The following LDB2 variants were observed in gnomAD, a reference collection of about 807,000 sequenced individuals.
LDB2 encodes LIM domain-binding protein 2.
Under a neutral mutation model 44.3 loss-of-function variants are expected in LDB2, and 12 were observed. The ratio of observed to expected loss-of-function variants is 0.27; its 90% CI spans 0.17 to 0.44. LDB2 has a LOEUF of 0.44. LDB2 is among the 20% of genes least tolerant of loss of function. The pLI is 1.00. For synonymous variants in LDB2, 164 were observed against 174.8 expected (o/e 0.94, Z 0.49); for missense variants, 344 against 473.5 (o/e 0.73, Z 2.54).
At chr4:16,583,283 T>G (rs557550106) in intron 5 of LDB2, among the ~76,000 whole-genome samples, 1 of 152,326 alleles carries the variant, frequency 6.6e-6, no homozygotes, top group East Asian at 1.9e-4. Context: ...CTGGAGCCTT[T>G]AAAATCTCTA....
chr4:16,554,300 T>C (rs142808324), intron 5 of LDB2, among the ~76,000 whole-genome samples: 1,904 of 152,248 alleles, frequency 0.013, 43 homozygotes, highest in African/African-American at 0.044. Flanking sequence ...TCCACCCGCC[T>C]CGGCCCCCCA....
chr4:16,655,342 C>T (rs1739467390), intron 2 of LDB2, among the ~76,000 whole-genome samples: 1 of 152,132 alleles, frequency 6.6e-6, no homozygotes, highest in South Asian at 2.1e-4. Context: ...GGACAAGGCA[C>T]GCTGATGGCA....
intron 1 of LDB2, among the ~76,000 whole-genome samples, chr4:16,771,704 C>T (rs79321332): frequency 0.018 from 2,683 of 152,302 alleles, 75 homozygotes; most frequent in African/African-American, 0.061. Flanking sequence ...CATGAACTTA[C>T]CTCCAACACA....
intron 1 of LDB2, among the ~76,000 whole-genome samples, chr4:16,776,762 A>G (rs1363559373): frequency 6.6e-6 from 1 of 152,232 alleles, no homozygotes; most frequent in Admixed American, 6.5e-5. Flanking sequence ...AAAGCAGAAA[A>G]TGAGGACATG....
chr4:16,637,448 G>A (rs1484537326), intron 2 of LDB2, among the ~76,000 whole-genome samples: 1 of 151,742 alleles, frequency 6.6e-6, no homozygotes, highest in Non-Finnish European at 1.5e-5. Flanking sequence ...AGTCAATGAT[G>A]ACTCATTCAT....
At chr4:16,713,214 G>C (rs1247676033) in intron 2 of LDB2, among the ~76,000 whole-genome samples, 1 of 152,198 alleles carries the variant, frequency 6.6e-6, no homozygotes. Context: ...CAAATGTGCA[G>C]TCTGGGTCTT....
chr4:16,512,281 CTTAA>C (rs1722034127), intron 5 of LDB2, 177 bp from the exon 6 acceptor site: 4 of 578,804 alleles, frequency 6.9e-6, no homozygotes, highest in South Asian at 2.4e-5. Flanking sequence ...ATTATATCTA[CTTAA>C]TTATCATTTA....
chr4:16,686,102 C>A (rs1749172440), intron 2 of LDB2, among the ~76,000 whole-genome samples: 1 of 152,056 alleles, frequency 6.6e-6, no homozygotes, highest in Non-Finnish European at 1.5e-5. Context: ...CAAAGCTAAT[C>A]ACAATATTAA....
At chr4:16,544,438 A>AAAAC (rs1345559157) in intron 5 of LDB2, among the ~76,000 whole-genome samples, 2 of 152,206 alleles carry the variant, frequency 1.3e-5, no homozygotes, top group African/African-American at 2.4e-5. Flanking sequence ...GTGAGATGAC[A>AAAAC]AAACCCTGGA....
At chr4:16,825,179 T>A (rs1782826093) in intron 1 of LDB2, among the ~76,000 whole-genome samples, 3 of 152,142 alleles carry the variant, frequency 2.0e-5, no homozygotes, top group Non-Finnish European at 4.4e-5. Context: ...AGCGACCTGT[T>A]TCATAGTATA....
chr4:16,844,300 GCAACAGCTGTAGAAGTAAAAACTAAA>G (rs1357343827), intron 1 of LDB2, among the ~76,000 whole-genome samples: 1 of 127,824 alleles, frequency 7.8e-6, no homozygotes, highest in African/African-American at 2.9e-5. Context: ...GAGTCACCAA[GCAACAGCTGTAGAAGTAAAAACTAAA>G]TACCTCACTT....
At chr4:16,840,937 T>C (rs952677286) in intron 1 of LDB2, among the ~76,000 whole-genome samples, 9 of 152,298 alleles carry the variant, frequency 5.9e-5, no homozygotes, top group Non-Finnish European at 5.9e-5. Context: ...AAGGAAAGAA[T>C]TGCCGCCAGT....
intron 1 of LDB2, among the ~76,000 whole-genome samples, chr4:16,766,329 ATTTG>A (rs888134844): frequency 6.6e-6 from 1 of 151,556 alleles, no homozygotes; most frequent in African/African-American, 2.4e-5. Context: ...CTTAACTGTG[ATTTG>A]TTTAAATTTA....
intron 5 of LDB2, among the ~76,000 whole-genome samples, chr4:16,568,691 A>G: frequency 6.6e-6 from 1 of 152,210 alleles, no homozygotes; most frequent in East Asian, 1.9e-4. Context: ...CAGAACCTAC[A>G]GATAAGAAAA....
At chr4:16,764,302 C>A (rs1768682825) in intron 1 of LDB2, among the ~76,000 whole-genome samples, 1 of 152,112 alleles carries the variant, frequency 6.6e-6, no homozygotes, top group African/African-American at 2.4e-5. Flanking sequence ...TGGAACACTT[C>A]TTGCTTCCAT....
intron 5 of LDB2, among the ~76,000 whole-genome samples, chr4:16,518,201 GAC>G (rs991817085): frequency 3.3e-5 from 5 of 152,278 alleles, no homozygotes; most frequent in African/African-American, 1.2e-4. Context: ...CTTTTCATCT[GAC>G]AGTTCTCCTG....
chr4:16,825,657 A>G (rs1411418275), intron 1 of LDB2, among the ~76,000 whole-genome samples: 1 of 152,140 alleles, frequency 6.6e-6, no homozygotes, highest in African/African-American at 2.4e-5. Flanking sequence ...AAACCAGTCA[A>G]TAGGTGGGAC....
chr4:16,863,112 T>TA (rs1470633933), intron 1 of LDB2, among the ~76,000 whole-genome samples: 1 of 152,188 alleles, frequency 6.6e-6, no homozygotes. Flanking sequence ...AACGAGTCCT[T>TA]AAGAGTATTG....
intron 1 of LDB2, among the ~76,000 whole-genome samples, chr4:16,847,709 A>G (rs371646844): frequency 6.6e-6 from 1 of 152,134 alleles, no homozygotes; most frequent in South Asian, 2.1e-4. Context: ...CTCCGCCTCC[A>G]GGGTTCACAC....
Sources: allele counts gnomAD v4.1 joint callset (sites outside exome capture counted in the v4.1 genomes callset), GRCh38; gene constraint gnomAD v4.1.1; transcripts MANE v1.5; gene names NCBI Gene and HGNC (gene_info 2026-07-23, HGNC 2026-07-21).